Variants in ARL15 observed in about 807,000 individuals in gnomAD.
The protein encoded by ARL15 is ADP-ribosylation factor-like protein 15.
Under a neutral mutation model 25.2 loss-of-function variants are expected in ARL15, and 19 were observed. The observed-to-expected ratio is 0.75, with a 90% confidence interval of 0.53 to 1.10. The LOEUF is 1.10. Ranked by LOEUF, ARL15 falls within the 50% of genes least tolerant of loss-of-function variation. The pLI, the probability that ARL15 is intolerant of heterozygous loss-of-function variation, is 0.00. For synonymous variants in ARL15, 94 were observed against 86.8 expected, an observed-to-expected ratio of 1.08 and a Z score of -0.46; for missense variants, 220 against 246.0, an observed-to-expected ratio of 0.89 and a Z score of 0.71.
chr5:54,187,965 T>G (rs945802299), intron 1 of ARL15, among the ~76,000 whole-genome samples: 1 of 152,188 alleles, frequency 6.6e-6, no homozygotes, highest in African/African-American at 2.4e-5. Flanking sequence ...TCCTTAAGGA[T>G]GTGTGACTAG....
At chr5:54,170,717 T>TCCC (rs1172069994) in intron 2 of ARL15, among the ~76,000 whole-genome samples, 1 of 152,030 alleles carries the variant, frequency 6.6e-6, no homozygotes, top group Non-Finnish European at 1.5e-5. Context: ...ATCCTTCCCT[T>TCCC]CCCCAGGTCC....
chr5:53,898,084 T>C (rs1744931570), intron 4 of ARL15, among the ~76,000 whole-genome samples: 2 of 152,192 alleles, frequency 1.3e-5, no homozygotes, highest in Non-Finnish European at 2.9e-5. Flanking sequence ...ATAAACTTCT[T>C]CACTGTCTTC....
intron 1 of ARL15, among the ~76,000 whole-genome samples, chr5:54,203,385 T>G (rs1755775677): frequency 6.6e-6 from 1 of 152,214 alleles, no homozygotes; most frequent in Non-Finnish European, 1.5e-5. Context: ...TCGACTTTTT[T>G]AAAAACAAAA....
chr5:54,076,136 G>C (rs77906377), intron 4 of ARL15, among the ~76,000 whole-genome samples: 2,403 of 152,166 alleles, frequency 0.016, 71 homozygotes, highest in African/African-American at 0.055. Flanking sequence ...GATAATATAG[G>C]CCAGGCGCGG....
intron 4 of ARL15, among the ~76,000 whole-genome samples, chr5:53,946,339 C>T (rs1462154453): frequency 6.6e-6 from 1 of 151,476 alleles, no homozygotes; most frequent in Non-Finnish European, 1.5e-5. Flanking sequence ...AATCCCAGCT[C>T]CCCGGGAGGC....
chr5:54,187,315 C>T (rs1384997868), intron 1 of ARL15, among the ~76,000 whole-genome samples: 1 of 152,122 alleles, frequency 6.6e-6, no homozygotes, highest in East Asian at 1.9e-4. Flanking sequence ...AAAATTGCTG[C>T]CCCCTACCAT....
At chr5:53,931,088 A>C (rs1384452522) in intron 4 of ARL15, among the ~76,000 whole-genome samples, 1 of 152,240 alleles carries the variant, frequency 6.6e-6, no homozygotes, top group Non-Finnish European at 1.5e-5. Flanking sequence ...AAATGTTTAA[A>C]GTCAGCTTTA....
chr5:54,227,024 C>A (rs3846493), intron 1 of ARL15, among the ~76,000 whole-genome samples: 63,354 of 151,930 alleles, frequency 0.42, 14,758 homozygotes, highest in African/African-American at 0.6. Flanking sequence ...TTGCTTTTCC[C>A]CCATGATTGT....
intron 1 of ARL15, among the ~76,000 whole-genome samples, chr5:54,249,067 A>AT (rs1448309486): frequency 1.3e-5 from 2 of 152,142 alleles, no homozygotes; most frequent in Non-Finnish European, 2.9e-5. Flanking sequence ...AAAAAAAAGA[A>AT]TCAGTGATGG....
At chr5:54,057,490 A>G (rs909768448) in intron 4 of ARL15, among the ~76,000 whole-genome samples, 67 of 152,320 alleles carry the variant, frequency 4.4e-4, no homozygotes, top group African/African-American at 1.5e-3. Flanking sequence ...TTCACTAAAC[A>G]TTATAAATGA....
At chr5:54,246,722 A>G (rs574466776) in intron 1 of ARL15, among the ~76,000 whole-genome samples, 12 of 151,646 alleles carry the variant, frequency 7.9e-5, no homozygotes, top group African/African-American at 1.2e-4. Context: ...TTTTATTCAC[A>G]TGTTTTCATC....
chr5:54,106,788 C>T lies in ARL15; in HGVS notation c.462+6414G>A, dbSNP rs115562674. On this transcript the variant is annotated intron_variant, in intron 4 of 4. Coordinates refer to ENST00000504924, the MANE Select transcript of ARL15 (RefSeq NM_019087.3). Reference sequence around the variant, plus strand: ...ATTGACCACAGAGACATAAACAAGCCGTAATTCCTGTCCTTCAACAAACTT... The same window carrying T: ...ATTGACCACAGAGACATAAACAAGCTGTAATTCCTGTCCTTCAACAAACTT... Among the ~76,000 whole-genome samples the T allele has an allele frequency of 7.6e-3, 1,155 of 151,864 alleles. 4 individuals are homozygous for T. The highest frequency in any genetic ancestry group is 0.014 in the Middle Eastern group (4 of 294).
intron 4 of ARL15, among the ~76,000 whole-genome samples, chr5:54,077,017 G>A: frequency 6.6e-6 from 1 of 152,124 alleles, no homozygotes; most frequent in East Asian, 1.9e-4. Flanking sequence ...TACGCAGGAT[G>A]TTTCAAGTAA....
At chr5:54,299,484 A>G (rs544200643) in intron 1 of ARL15, among the ~76,000 whole-genome samples, 1 of 152,292 alleles carries the variant, frequency 6.6e-6, no homozygotes, top group East Asian at 1.9e-4. Flanking sequence ...CGATAATAGT[A>G]AATGTATAGC....
intron 4 of ARL15, among the ~76,000 whole-genome samples, chr5:53,976,249 A>C (rs1034493207): frequency 4.6e-5 from 7 of 152,296 alleles, no homozygotes; most frequent in Non-Finnish European, 7.4e-5. Flanking sequence ...GGCATGTCAA[A>C]AATGCACTAG....
At chr5:54,071,720 C>T (rs1467883211) in intron 4 of ARL15, among the ~76,000 whole-genome samples, 1 of 151,686 alleles carries the variant, frequency 6.6e-6, no homozygotes, top group Non-Finnish European at 1.5e-5. Context: ...GCCTGTAATC[C>T]CAGCACTTTG....
intron 1 of ARL15, among the ~76,000 whole-genome samples, chr5:54,280,232 A>G (rs1007945182): frequency 2.0e-5 from 3 of 151,790 alleles, no homozygotes; most frequent in Non-Finnish European, 2.9e-5. Flanking sequence ...CCCTCTTTCC[A>G]CTTCATAGAC....
intron 3 of ARL15, among the ~76,000 whole-genome samples, chr5:54,116,479 C>A (rs1053382396): frequency 6.6e-6 from 1 of 152,176 alleles, no homozygotes; most frequent in African/African-American, 2.4e-5. Context: ...TGTATCTGTA[C>A]ACTAGCTTGT....
chr5:53,995,727 C>T (rs995440260), intron 4 of ARL15, among the ~76,000 whole-genome samples: 16 of 152,248 alleles, frequency 1.1e-4, no homozygotes, highest in Admixed American at 7.2e-4. Flanking sequence ...TCTCCCTTTT[C>T]GGGGGTTGGC....
Sources: gnomAD v4.1 joint callset for allele counts (sites outside exome capture counted in the v4.1 genomes callset) on GRCh38, gnomAD v4.1.1 for gene constraint, MANE v1.5 for transcripts, NCBI Gene and HGNC (gene_info 2026-07-23, HGNC 2026-07-21) for gene names.